Variants in GNA14 observed in about 807,000 individuals in gnomAD.
The protein encoded by GNA14 is guanine nucleotide-binding protein subunit alpha-14.
GNA14 carries 50 observed loss-of-function variants against 42.0 expected under a neutral mutation model. The observed-to-expected ratio is 1.19, with a 90% CI of 0.95 to 1.51. The LOEUF (loss-of-function observed/expected upper bound fraction) is 1.51, where lower values mean the gene tolerates loss of function less well. Ranked by LOEUF, GNA14 falls within the 40% of genes most tolerant of loss-of-function variation. GNA14 has a pLI of 0.00. For synonymous variants in GNA14, 173 were observed against 163.1 expected (o/e 1.06, Z -0.46); for missense variants, 473 against 446.2 (o/e 1.06, Z -0.54).
intron 2 of GNA14, among the ~76,000 whole-genome samples, chr9:77,441,649 A>G (rs1296728399): frequency 6.6e-6 from 1 of 152,150 alleles, no homozygotes; most frequent in Non-Finnish European, 1.5e-5. Flanking sequence ...AACTTTTGTA[A>G]AAGCACCCCT....
intron 1 of GNA14, among the ~76,000 whole-genome samples, chr9:77,611,871 CATTGTG>C (rs780021899): frequency 2.9e-4 from 44 of 152,102 alleles, no homozygotes; most frequent in Non-Finnish European, 5.7e-4. Context: ...ACTGACTTAC[CATTGTG>C]GACACAAATA....
At chr9:77,543,154 T>C (rs1350187727) in intron 1 of GNA14, among the ~76,000 whole-genome samples, 1 of 152,240 alleles carries the variant, frequency 6.6e-6, no homozygotes, top group East Asian at 1.9e-4. Context: ...CTTCTTGGCC[T>C]GGCAGCAGCA....
intron 2 of GNA14, among the ~76,000 whole-genome samples, chr9:77,504,548 AAGAGAG>A (rs10559406): frequency 0.031 from 4,463 of 145,062 alleles, 197 homozygotes; most frequent in African/African-American, 0.1. Context: ...AAAAAAAAAA[AAGAGAG>A]AGAGAGAGAG....
At chr9:77,442,042 G>A (rs199579936) in intron 2 of GNA14, among the ~76,000 whole-genome samples, 1 of 58,264 alleles carries the variant, frequency 1.7e-5, no homozygotes, top group Non-Finnish European at 3.4e-5. Context: ...AGAAATAGCA[G>A]ACAAAATATT....
At chr9:77,539,790 A>G (rs1837637682) in intron 1 of GNA14, among the ~76,000 whole-genome samples, 1 of 152,090 alleles carries the variant, frequency 6.6e-6, no homozygotes, top group African/African-American at 2.4e-5. Context: ...TTTTCAGCTT[A>G]TCAGTGTATA....
intron 1 of GNA14, among the ~76,000 whole-genome samples, chr9:77,544,541 A>G (rs1837696397): frequency 6.6e-6 from 1 of 152,034 alleles, no homozygotes; most frequent in African/African-American, 2.4e-5. Context: ...TGTATCTACT[A>G]AAAATACAAA....
intron 2 of GNA14, among the ~76,000 whole-genome samples, chr9:77,497,297 G>A (rs2889774): frequency 0.29 from 44,235 of 151,974 alleles, 6,655 homozygotes; most frequent in East Asian, 0.46. Flanking sequence ...AAGCTGATCT[G>A]GGCCGGAAAT....
In GNA14 at chr9:77,425,545, A is replaced by G. The variant is rs201613861; in HGVS notation, c.877+17T>C. On this transcript the variant is annotated intron_variant, in intron 6 of 6. Transcript: ENST00000341700. ...GAGATCAGCACAGAAAACACTGTCC[A>G]CAAGATAGACACTTACCTGTGTATT... 1.6e-4 allele frequency: 257 copies of G among 1,584,242 alleles called. 1 individual carries two copies. The highest frequency in any genetic ancestry group is 3.1e-4 in the East Asian group (14 of 44,540).
At chr9:77,464,351 ATGTGTG>A (rs35743834) in intron 2 of GNA14, among the ~76,000 whole-genome samples, 3,395 of 144,772 alleles carry the variant, frequency 0.023, 36 homozygotes, top group African/African-American at 0.03. Flanking sequence ...GTGTGTGTAT[ATGTGTG>A]TGTGTGTGTG....
intron 1 of GNA14, among the ~76,000 whole-genome samples, chr9:77,644,560 C>G (rs1301439866): frequency 6.6e-6 from 1 of 151,456 alleles, no homozygotes; most frequent in Non-Finnish European, 1.5e-5. Flanking sequence ...CCGGAAAAAC[C>G]AAACCTGCCA....
chr9:77,448,793 C>A (rs1470093275), intron 2 of GNA14, among the ~76,000 whole-genome samples: 1 of 152,144 alleles, frequency 6.6e-6, no homozygotes, highest in East Asian at 1.9e-4. Context: ...AACTTCTAGT[C>A]TTTTTAAGAA....
chr9:77,537,259 T>C (rs1011780351), intron 1 of GNA14, among the ~76,000 whole-genome samples: 2 of 152,022 alleles, frequency 1.3e-5, no homozygotes, highest in East Asian at 1.9e-4. Context: ...TGGCCTTTGG[T>C]ATTTATTATT....
At chr9:77,428,339 A>C (rs571220630) in intron 5 of GNA14, among the ~76,000 whole-genome samples, 5 of 152,038 alleles carry the variant, frequency 3.3e-5, no homozygotes, top group African/African-American at 1.2e-4. Flanking sequence ...TCGGCCTCCC[A>C]AAGTGCTGGG....
chr9:77,427,230 C>G (rs1165370274), intron 5 of GNA14, among the ~76,000 whole-genome samples: 1 of 151,926 alleles, frequency 6.6e-6, no homozygotes, highest in East Asian at 1.9e-4. Flanking sequence ...GTGCACCTTA[C>G]TAATCGTTTG....
At chr9:77,483,015 T>C (rs9774913) in intron 2 of GNA14, among the ~76,000 whole-genome samples, 5,712 of 152,234 alleles carry the variant, frequency 0.038, 260 homozygotes, top group African/African-American at 0.11. Flanking sequence ...CTTCTGTAGC[T>C]CAGAGTAGTT....
intron 1 of GNA14, among the ~76,000 whole-genome samples, chr9:77,586,672 G>A (rs1283234579): frequency 6.6e-6 from 1 of 152,182 alleles, no homozygotes; most frequent in East Asian, 1.9e-4. Flanking sequence ...TTGAGGCGGC[G>A]GTGTCTGATT....
Position 77,617,272 on chromosome 9 carries a change from C to T in GNA14, c.124+30398G>A, listed in dbSNP as rs528146078. The stretch of plus-strand genomic sequence containing the variant: ...ACAGAACTGTTTGTTGACTGTCTAC[C>T]TCCACCCCCTCACTCCACCAAATCC... On this transcript the variant is annotated intron_variant, in intron 1 of 6. Transcript: ENST00000341700. 5.5e-4 allele frequency among the ~76,000 whole-genome samples: 83 copies of T among 152,160 alleles called. 1 individual carries two copies. Among genetic ancestry groups the T allele is most frequent in the South Asian group, 8.3e-4 (4 of 4,814 alleles).
At chr9:77,479,988 A>G (rs1188580533) in intron 2 of GNA14, among the ~76,000 whole-genome samples, 1 of 152,206 alleles carries the variant, frequency 6.6e-6, no homozygotes, top group Non-Finnish European at 1.5e-5. Flanking sequence ...CAATCATGTC[A>G]TCTGCAAACA....
At chr9:77,603,316 A>G (rs7868015) in intron 1 of GNA14, among the ~76,000 whole-genome samples, 118,041 of 151,980 alleles carry the variant, frequency 0.78, 45,949 homozygotes, top group East Asian at 0.9. Flanking sequence ...CCAACCACAC[A>G]TTTTATCTGG....
Sources: allele counts gnomAD v4.1 joint callset (sites outside exome capture counted in the v4.1 genomes callset), GRCh38; gene constraint gnomAD v4.1.1; transcripts MANE v1.5; gene names NCBI Gene and HGNC (gene_info 2026-07-23, HGNC 2026-07-21).